The following RBFOX1 variants were observed in gnomAD, a reference collection of about 807,000 sequenced individuals.
RBFOX1 encodes the protein RNA binding protein fox-1 homolog 1.
Under a neutral mutation model 57.7 loss-of-function variants are expected in RBFOX1, and 8 were observed. The ratio of observed to expected loss-of-function variants is 0.14; its 90% CI spans 0.08 to 0.25. The LOEUF (loss-of-function observed/expected upper bound fraction) is 0.25, where lower values mean the gene tolerates loss of function less well. Among genes scored for constraint, RBFOX1 ranks in the 10% least tolerant of loss-of-function variants. RBFOX1 has a pLI of 1.00. For synonymous variants in RBFOX1, 326 were observed against 222.4 expected, an observed-to-expected ratio of 1.47 and a Z score of -4.15; for missense variants, 611 against 548.5, an observed-to-expected ratio of 1.11 and a Z score of -1.14.
In RBFOX1 at chr16:6,784,802, A is replaced by T. The variant is rs540658433; in HGVS notation, c.-16+130152A>T. 4.6e-5 allele frequency among the ~76,000 whole-genome samples: 7 copies of T among 151,972 alleles called. No homozygotes were observed. The South Asian group carries it at 1.5e-3, about 32-fold the overall frequency. ...AATCCCTGGAATTTTCTATTTAGCC[A>T]TCTTGTTCCACCTCATATATTTCAT... On this transcript the variant is annotated intron_variant, in intron 3 of 15. Coordinates refer to ENST00000550418, the MANE Select transcript of RBFOX1 (RefSeq NM_018723.4).
At chr16:7,133,136 C>G (rs1444768213) in intron 4 of RBFOX1, among the ~76,000 whole-genome samples, 1 of 152,076 alleles carries the variant, frequency 6.6e-6, no homozygotes, top group Non-Finnish European at 1.5e-5. Context: ...GGTTTTAATA[C>G]CAAGATCCAT....
intron 4 of RBFOX1, among the ~76,000 whole-genome samples, chr16:7,459,048 G>C (rs73498382): frequency 0.028 from 4,310 of 152,216 alleles, 191 homozygotes; most frequent in African/African-American, 0.098. Context: ...ATGATGGATG[G>C]ATGGATGAAT....
intron 3 of RBFOX1, among the ~76,000 whole-genome samples, chr16:7,034,735 T>A (rs1232596893): frequency 6.6e-6 from 1 of 151,666 alleles, no homozygotes; most frequent in Non-Finnish European, 1.5e-5. Flanking sequence ...CCTGTAGATT[T>A]ATTGTGAATT....
chr16:7,065,550 T>A (rs1485143014), intron 4 of RBFOX1, among the ~76,000 whole-genome samples: 2 of 152,226 alleles, frequency 1.3e-5, no homozygotes, highest in Non-Finnish European at 2.9e-5. Flanking sequence ...AAATGGTATA[T>A]CCTTATTGTA....
intron 3 of RBFOX1, among the ~76,000 whole-genome samples, chr16:5,689,323 T>C (rs2050597592): frequency 6.6e-6 from 1 of 152,242 alleles, no homozygotes; most frequent in South Asian, 2.1e-4. Flanking sequence ...CAAGGGTTGT[T>C]ACACAGAGTT....
At chr16:7,147,277 T>A (rs866763897) in intron 4 of RBFOX1, among the ~76,000 whole-genome samples, 8 of 151,812 alleles carry the variant, frequency 5.3e-5, no homozygotes, top group Middle Eastern at 3.4e-3. Flanking sequence ...AGTGCTGGGA[T>A]TACAGGCATG....
rs77551823 is a variant in RBFOX1, at chr16:7,059,601, A to G, written c.27+7503A>G. Among the ~76,000 whole-genome samples the G allele has an allele frequency of 8.4e-3, 1,275 of 152,294 alleles. 16 individuals are homozygous for G. The highest frequency in any genetic ancestry group is 0.029 in the African/African-American group (1,191 of 41,558). ...TATGAGAAACAAGAGATGCTGTGTA[A>G]AAGGGTATGAATAGAAGAAGCTTAC... is the stretch of plus-strand genomic sequence containing the variant. On this transcript the variant is annotated intron_variant, in intron 4 of 15. Coordinates refer to ENST00000550418, the MANE Select transcript of RBFOX1 (RefSeq NM_018723.4).
At chr16:6,017,297 C>T (rs944469596), upstream of RBFOX1, among the ~76,000 whole-genome samples, 8 of 152,130 alleles carry the variant, frequency 5.3e-5, no homozygotes, top group African/African-American at 1.4e-4. Context: ...CAGAATTTCC[C>T]GTTAACTGCC....
At chr16:7,030,955 G>C (rs370480681) in intron 3 of RBFOX1, among the ~76,000 whole-genome samples, 86 of 152,314 alleles carry the variant, frequency 5.6e-4, no homozygotes, top group African/African-American at 2.0e-3. Context: ...GAAATAAAAT[G>C]ATCAAGAAAG....
chr16:5,554,761 G>A (rs1450105178), intron 2 of RBFOX1, among the ~76,000 whole-genome samples: 1 of 152,162 alleles, frequency 6.6e-6, no homozygotes, highest in Admixed American at 6.5e-5. Context: ...GAGAAGCAAG[G>A]AATGAATGCT....
intron 3 of RBFOX1, among the ~76,000 whole-genome samples, chr16:6,780,804 C>A (rs2080885314): frequency 1.3e-5 from 2 of 151,714 alleles, no homozygotes; most frequent in South Asian, 4.2e-4. Flanking sequence ...TGAGAATTGT[C>A]TATTCAGATG....
At chr16:6,927,948 G>A (rs1032135219) in intron 3 of RBFOX1, among the ~76,000 whole-genome samples, 6 of 152,182 alleles carry the variant, frequency 3.9e-5, no homozygotes, top group Non-Finnish European at 7.3e-5. Context: ...TCATAATCTT[G>A]AAGGTAGTTG....
chr16:7,134,607 C>G (rs980189028), intron 4 of RBFOX1, among the ~76,000 whole-genome samples: 1 of 152,180 alleles, frequency 6.6e-6, no homozygotes, highest in Non-Finnish European at 1.5e-5. Context: ...CCTCCTCTCC[C>G]TTCACCCTGC....
intron 1 of RBFOX1, among the ~76,000 whole-genome samples, chr16:6,166,867 G>A (rs576052178): frequency 6.6e-5 from 10 of 152,148 alleles, no homozygotes; most frequent in East Asian, 3.9e-4. Context: ...TCCACCTCCC[G>A]GGTTCAAGCA....
intron 2 of RBFOX1, among the ~76,000 whole-genome samples, chr16:6,605,086 C>G (rs924079348): frequency 6.6e-6 from 1 of 151,806 alleles, no homozygotes; most frequent in South Asian, 2.1e-4. Context: ...TATACACACA[C>G]AAATTAGCTG....
At chr16:5,285,518 C>G (rs566515711) in intron 1 of RBFOX1, among the ~76,000 whole-genome samples, 18 of 152,256 alleles carry the variant, frequency 1.2e-4, no homozygotes, top group African/African-American at 4.1e-4. Flanking sequence ...TGTTATGTTT[C>G]CTTTTTCATA....
At chr16:5,273,865 A>G (rs1434944583) in intron 1 of RBFOX1, among the ~76,000 whole-genome samples, 1 of 152,214 alleles carries the variant, frequency 6.6e-6, no homozygotes, top group Non-Finnish European at 1.5e-5. Flanking sequence ...GAATTCTTAC[A>G]TAAGCCCATG....
intron 3 of RBFOX1, among the ~76,000 whole-genome samples, chr16:6,986,348 GC>G (rs1258222143): frequency 2.6e-5 from 4 of 152,070 alleles, no homozygotes; most frequent in Admixed American, 6.6e-5. Flanking sequence ...GCAGGCGTCT[GC>G]CACCATGTCT....
intron 2 of RBFOX1, among the ~76,000 whole-genome samples, chr16:6,318,358 G>A (rs771255550): frequency 1.3e-5 from 2 of 152,164 alleles, no homozygotes; most frequent in African/African-American, 4.8e-5. Context: ...GGTTTTGTAA[G>A]TAAAAAGGTG....
Sources: allele counts gnomAD v4.1 joint callset (sites outside exome capture counted in the v4.1 genomes callset), GRCh38; gene constraint gnomAD v4.1.1; transcripts MANE v1.5; gene names NCBI Gene and HGNC (gene_info 2026-07-23, HGNC 2026-07-21).